SORCS3: variants seen among roughly 807,000 people sequenced by gnomAD.
SORCS3 encodes the protein sortilin related VPS10 domain containing receptor 3, also known as VPS10 domain-containing receptor SorCS3.
In SORCS3, 57 loss-of-function variants were observed where a neutral mutation model predicts 146.3. The ratio of observed to expected loss-of-function variants is 0.39; its 90% confidence interval spans 0.31 to 0.49. The LOEUF (loss-of-function observed/expected upper bound fraction) is 0.49. Among genes scored for constraint, SORCS3 ranks in the 20% least tolerant of loss-of-function variants. SORCS3 has a pLI of 0.92. For synonymous variants in SORCS3, 653 were observed against 618.5 expected (o/e 1.06, Z -0.83); for missense variants, 1,341 against 1,575.5 (o/e 0.85, Z 2.52).
intron 1 of SORCS3, among the ~76,000 whole-genome samples, chr10:104,786,226 G>A (rs1350737075): frequency 3.3e-5 from 5 of 150,048 alleles, no homozygotes; most frequent in Non-Finnish European, 5.9e-5. Context: ...AGTCTTCCTT[G>A]ATCTTGATGA....
intron 5 of SORCS3, among the ~76,000 whole-genome samples, chr10:105,066,313 A>G (rs182681274): frequency 3.9e-5 from 6 of 152,254 alleles, no homozygotes; most frequent in African/African-American, 1.4e-4. Flanking sequence ...AGGAGCATCT[A>G]TTCTAGACCT....
intron 1 of SORCS3, among the ~76,000 whole-genome samples, chr10:104,696,650 T>TTA (rs1443763702): frequency 2.2e-5 from 1 of 45,526 alleles, no homozygotes; most frequent in Non-Finnish European, 4.5e-5. Context: ...ATAATATATA[T>TTA]TATATACGTA....
chr10:105,241,073 C>T (rs1314875738), intron 20 of SORCS3, among the ~76,000 whole-genome samples: 1 of 151,986 alleles, frequency 6.6e-6, no homozygotes, highest in Non-Finnish European at 1.5e-5. Flanking sequence ...CCACTATGAA[C>T]ATTTATTTTT....
intron 1 of SORCS3, among the ~76,000 whole-genome samples, chr10:104,808,854 C>T (rs1324321325): frequency 2.0e-5 from 3 of 152,104 alleles, no homozygotes; most frequent in African/African-American, 7.2e-5. Flanking sequence ...AATGAAGTAA[C>T]CTGTCAAAAG....
chr10:104,738,269 T>A (rs1370217838), intron 1 of SORCS3, among the ~76,000 whole-genome samples: 2 of 152,202 alleles, frequency 1.3e-5, no homozygotes, highest in Non-Finnish European at 2.9e-5. Context: ...CCATATAAAC[T>A]TTAAAGTAAT....
rs1393419702 is a variant in SORCS3, at chr10:105,077,239, CAT to C, written c.1029-12535_1029-12534del. ...TACATGAAAAGTACTTAGTCTACCA[CAT>C]GAGATGCACTCTAATATTTTCTATT... On this transcript the variant is annotated intron_variant, in intron 5 of 26. Transcript: ENST00000369701. Among the ~76,000 whole-genome samples, 4 of 152,292 alleles carry C rather than the reference CAT, an allele frequency of 2.6e-5. No homozygotes were observed. The South Asian group carries it at 8.3e-4, about 32-fold the overall frequency.
At chr10:105,062,675 T>C (rs79312214) in intron 5 of SORCS3, among the ~76,000 whole-genome samples, 1,720 of 152,302 alleles carry the variant, frequency 0.011, 18 homozygotes, top group African/African-American at 0.029. Context: ...TGTTTACCTG[T>C]CTTTCCCAGC....
At chr10:105,178,299 C>T (rs1589674596) in intron 14 of SORCS3, 126 bp downstream of exon 14, 2 of 637,228 alleles carry the variant, frequency 3.1e-6, no homozygotes, top group East Asian at 3.0e-5. Context: ...AAAATTTCCT[C>T]ATCTATAAAA....
intron 5 of SORCS3, among the ~76,000 whole-genome samples, chr10:105,063,901 A>G (rs2055504570): frequency 6.6e-6 from 1 of 152,252 alleles, no homozygotes; most frequent in Non-Finnish European, 1.5e-5. Flanking sequence ...GTCAGCCAGT[A>G]GCCTATGCAG....
chr10:105,238,453 C>G (rs2056805773), intron 20 of SORCS3, among the ~76,000 whole-genome samples: 1 of 152,184 alleles, frequency 6.6e-6, no homozygotes, highest in Admixed American at 6.5e-5. Flanking sequence ...AAAGTTGAGC[C>G]TAAGCTGGCA....
At chr10:104,880,424 C>G (rs1254483068) in intron 2 of SORCS3, among the ~76,000 whole-genome samples, 1 of 152,124 alleles carries the variant, frequency 6.6e-6, no homozygotes, top group Non-Finnish European at 1.5e-5. Flanking sequence ...TTTTCTCTTT[C>G]AAAATCTGCT....
intron 7 of SORCS3, among the ~76,000 whole-genome samples, chr10:105,109,880 G>A (rs923764102): frequency 1.3e-5 from 2 of 151,420 alleles, no homozygotes; most frequent in African/African-American, 4.8e-5. Flanking sequence ...GATTCTTCTG[G>A]AATATTAATT....
chr10:105,043,758 T>C (rs373648391), intron 5 of SORCS3, among the ~76,000 whole-genome samples: 1 of 152,146 alleles, frequency 6.6e-6, no homozygotes, highest in South Asian at 2.1e-4. Flanking sequence ...ATGTGATAAA[T>C]CCTTCAGAAC....
At chr10:104,663,226 A>T (rs2015724908) in intron 1 of SORCS3, among the ~76,000 whole-genome samples, 1 of 152,172 alleles carries the variant, frequency 6.6e-6, no homozygotes, top group South Asian at 2.1e-4. Flanking sequence ...AGGCAGAGCA[A>T]GGGAAAAAAG....
chr10:105,252,112 G>C (rs1589711452), intron 22 of SORCS3, among the ~76,000 whole-genome samples: 1 of 152,058 alleles, frequency 6.6e-6, no homozygotes, highest in East Asian at 1.9e-4. Context: ...GTTTTTTCCT[G>C]CATATGGCTT....
At chr10:104,790,238 C>T (rs932453857) in intron 1 of SORCS3, among the ~76,000 whole-genome samples, 3 of 152,074 alleles carry the variant, frequency 2.0e-5, no homozygotes, top group African/African-American at 7.2e-5. Flanking sequence ...TAGCCAGAAG[C>T]GCATTAACTT....
intron 3 of SORCS3, among the ~76,000 whole-genome samples, chr10:104,923,071 G>C (rs530704739): frequency 1.3e-5 from 2 of 152,310 alleles, no homozygotes; most frequent in South Asian, 2.1e-4. Context: ...GAGCAACTCA[G>C]TGTCTTTATA....
intron 20 of SORCS3, among the ~76,000 whole-genome samples, chr10:105,228,446 C>T (rs879703280): frequency 1.0e-4 from 15 of 150,178 alleles, no homozygotes; most frequent in Admixed American, 9.3e-4. Context: ...TGCTCTTTCT[C>T]TCTCTTTCTC....
chr10:105,216,456 G>C (rs1312024904), intron 18 of SORCS3, among the ~76,000 whole-genome samples: 1 of 151,948 alleles, frequency 6.6e-6, no homozygotes. Flanking sequence ...TGAAACTTTG[G>C]TCTAACTACT....
Sources: allele counts gnomAD v4.1 joint callset (sites outside exome capture counted in the v4.1 genomes callset), GRCh38; gene constraint gnomAD v4.1.1; transcripts MANE v1.5; gene names NCBI Gene and HGNC (gene_info 2026-07-23, HGNC 2026-07-21).